FOXK1: variants seen among roughly 807,000 people sequenced by gnomAD.
FOXK1 encodes the protein forkhead box protein K1.
FOXK1 carries 19 observed loss-of-function variants against 51.9 expected under a neutral mutation model. That is an observed-to-expected ratio of 0.37 (90% CI 0.26 to 0.54). The LOEUF (loss-of-function observed/expected upper bound fraction) is 0.54. FOXK1 is among the 20% of genes least tolerant of loss of function. FOXK1 has a pLI of 0.87. For synonymous variants in FOXK1, 537 were observed against 482.6 expected (o/e 1.11, Z -1.48); for missense variants, 870 against 1,032.7 (o/e 0.84, Z 2.16).
intron 1 of FOXK1, among the ~76,000 whole-genome samples, chr7:4,694,925 T>G (rs1437295981): frequency 1.3e-5 from 2 of 152,266 alleles, no homozygotes; most frequent in Non-Finnish European, 2.9e-5. Context: ...AGTTTACTGA[T>G]GAAATTAGGG....
chr7:4,733,544 C>T lies in FOXK1; in HGVS notation c.561-7294C>T, dbSNP rs1277428228. 6.6e-6 allele frequency among the ~76,000 whole-genome samples: 1 copy of T among 152,186 alleles called. No individual in the cohort carries two copies. The highest frequency in any genetic ancestry group is 2.4e-5 in the African/African-American group (1 of 41,434). On this transcript the variant is annotated intron_variant, in intron 1 of 8. Coordinates refer to ENST00000328914, the MANE Select transcript of FOXK1 (RefSeq NM_001037165.2). The surrounding 1 kb of genome is among the most constrained non-coding windows in gnomAD (Gnocchi z 5.0). ...CCCATTTGTATCCCATTGACCAGCT[C>T]ATAGTCTCATGGTTGCAAGAGGGGC...
Position 4,759,183 on chromosome 7 carries a change from T to C in FOXK1, c.1377T>C (p.Ser459=). The C allele has an allele frequency of 6.2e-7, 1 of 1,612,156 alleles. No homozygotes were observed. Among genetic ancestry groups the C allele is most frequent in the Non-Finnish European group, 8.5e-7 (1 of 1,179,622 alleles). The part of the protein sequence containing the change: ...HDPEFGSKLA[S]VPEYRYSQSA... The stretch of plus-strand genomic sequence containing the variant: ...CTGAGTTTGGGTCCAAGTTAGCTTC[T>C]GTCCCAGAGTACCGGTATTCCCAAA... The change falls in exon 6 of 9, where the codon TCT becomes TCC. Residue 459 remains serine (S), a synonymous_variant. Coordinates refer to ENST00000328914, the MANE Select transcript of FOXK1 (RefSeq NM_001037165.2).
chr7:4,683,672 A>T lies in FOXK1; in HGVS notation c.560+804A>T, dbSNP rs1469706167. On this transcript the variant is annotated intron_variant, in intron 1 of 8. Coordinates refer to ENST00000328914, the MANE Select transcript of FOXK1 (RefSeq NM_001037165.2). This position sits in a 1 kb window ranked among gnomAD's most constrained non-coding sequence, Gnocchi z 4.5. ...CCCCCACCAGCCAGGGCCTCAAGTC[A>T]CCCCAGTGCCTGATGCCTGCCGTCC... is the stretch of plus-strand genomic sequence containing the variant. Among the ~76,000 whole-genome samples, 2 of 150,718 alleles carry T rather than the reference A, an allele frequency of 1.3e-5. No individual in the cohort carries two copies. The highest frequency in any genetic ancestry group is 4.9e-5 in the African/African-American group (2 of 40,842).
rs1157988836 is a variant in FOXK1 at position 4,768,116 on chromosome 7, G to T, written c.*5652G>T. On this transcript the variant is annotated 3_prime_UTR_variant, in exon 9 of 9. Coordinates refer to ENST00000328914, the MANE Select transcript of FOXK1 (RefSeq NM_001037165.2). ...ATTTTAAAAACAGACCCATTTCACTGACTTCTTTTTTTTTTTTTTTTTTTT... is the reference window on the plus strand; with the variant it reads ...ATTTTAAAAACAGACCCATTTCACTTACTTCTTTTTTTTTTTTTTTTTTTT... 7 of 128,752 alleles carry T rather than the reference G, an allele frequency of 5.4e-5. No homozygotes were observed. Among genetic ancestry groups the T allele is most frequent in the Non-Finnish European group, 9.5e-5 (6 of 63,422 alleles). 8.0% of individuals were successfully genotyped at this position (128,752 alleles called of 1,614,324 possible). A position where few individuals can be genotyped will look rare whatever the true frequency, so the allele number is the denominator to read the frequency against.
rs186987778 is a variant in FOXK1 at position 4,753,042 on chromosome 7, G to A, written c.747-1417G>A. Among the ~76,000 whole-genome samples, 6 of 152,232 alleles carry A rather than the reference G, an allele frequency of 3.9e-5. No individual in the cohort carries two copies. In the East Asian group the frequency reaches 5.8e-4, roughly 15 times the overall value. On this transcript the variant is annotated intron_variant, in intron 2 of 8. Coordinates refer to ENST00000328914, the MANE Select transcript of FOXK1 (RefSeq NM_001037165.2). The surrounding 1 kb of genome is among the most constrained non-coding windows in gnomAD (Gnocchi z 4.9). Reference sequence around the variant, plus strand: ...ATTTGTGGGTGTTCATTTAAGTTTCGACACGTGTGGAACTTACCTATCTCT... The same window carrying A: ...ATTTGTGGGTGTTCATTTAAGTTTCAACACGTGTGGAACTTACCTATCTCT...
rs1371511165 is a variant in FOXK1, at chr7:4,709,931, T to C, written c.560+27063T>C. Among the ~76,000 whole-genome samples, 1 of 152,178 alleles carries C rather than the reference T, an allele frequency of 6.6e-6. No homozygotes were observed. Among genetic ancestry groups the C allele is most frequent in the Admixed American group, 6.5e-5 (1 of 15,282 alleles). On this transcript the variant is annotated intron_variant, in intron 1 of 8. Coordinates refer to ENST00000328914, the MANE Select transcript of FOXK1 (RefSeq NM_001037165.2). This position sits in a 1 kb window ranked among gnomAD's most constrained non-coding sequence, Gnocchi z 5.6. ...TTGAACACGGAAGAACACGGAAGCC[T>C]GTGTGTTAGGCGTTAACATTGTTCC... is the stretch of plus-strand genomic sequence containing the variant.
chr7:4,764,160 G>C lies in FOXK1; in HGVS notation c.*1696G>C, dbSNP rs372796871. The C allele has an allele frequency of 2.6e-5, 4 of 153,170 alleles. No homozygotes were observed. The highest frequency in any genetic ancestry group is 9.6e-5 in the African/African-American group (4 of 41,504). The allele number at this position is 153,170 out of a possible 1,614,324, so 9.5% of individuals were successfully genotyped here. On this transcript the variant is annotated 3_prime_UTR_variant, in exon 9 of 9. Coordinates refer to ENST00000328914, the MANE Select transcript of FOXK1 (RefSeq NM_001037165.2). ...CGAGGCAGTGCGGGAGGACACACGT[G>C]CTGTGCAGTGGAGTGGGGTCGCCCG...
At chr7:4,691,296 G>A (rs753370933) in intron 1 of FOXK1, among the ~76,000 whole-genome samples, 14 of 152,194 alleles carry the variant, frequency 9.2e-5, no homozygotes, top group African/African-American at 1.4e-4. Flanking sequence ...CTTGCAAAGC[G>A]TAGCTTTTCT....
At chr7:4,727,260 T>C (rs1035855870) in intron 1 of FOXK1, among the ~76,000 whole-genome samples, 5 of 152,186 alleles carry the variant, frequency 3.3e-5, no homozygotes, top group Non-Finnish European at 7.3e-5. Flanking sequence ...CCTATTATTA[T>C]TATAGAATTT....
rs1189462577 is a variant in FOXK1 at position 4,747,112 on chromosome 7, T to C, written c.746+6089T>C. Among the ~76,000 whole-genome samples, 4 of 152,196 alleles carry C rather than the reference T, an allele frequency of 2.6e-5. No individual in the cohort carries two copies. Among genetic ancestry groups the C allele is most frequent in the Non-Finnish European group, 5.9e-5 (4 of 68,044 alleles). On this transcript the variant is annotated intron_variant, in intron 2 of 8. Coordinates refer to ENST00000328914, the MANE Select transcript of FOXK1 (RefSeq NM_001037165.2). This position sits in a 1 kb window ranked among gnomAD's most constrained non-coding sequence, Gnocchi z 9.2. ...GGAAGTCCTTGTGTTTGTCCGAATC[T>C]GTTGAAAGGACATCCCCACGCCCGC... is the stretch of plus-strand genomic sequence containing the variant.
At chr7:4,713,668 T>C (rs892676027) in intron 1 of FOXK1, among the ~76,000 whole-genome samples, 4 of 151,276 alleles carry the variant, frequency 2.6e-5, no homozygotes, top group African/African-American at 9.7e-5. Flanking sequence ...ATTTTTGTAA[T>C]GTTAGTAGAG....
chr7:4,743,239 A>C lies in FOXK1; in HGVS notation c.746+2216A>C, dbSNP rs957895207. On this transcript the variant is annotated intron_variant, in intron 2 of 8. Transcript: ENST00000328914. The surrounding 1 kb of genome is among the most constrained non-coding windows in gnomAD (Gnocchi z 5.3). ...GTGGTGATGGTTATTCAATTTTGTG[A>C]ATATCCTAAAAGTCACTTTAAAGAG... Among the ~76,000 whole-genome samples the C allele has an allele frequency of 4.6e-5, 7 of 152,150 alleles. No homozygotes were observed. Among genetic ancestry groups the C allele is most frequent in the African/African-American group, 1.7e-4 (7 of 41,434 alleles).
At chr7:4,684,596 G>A (rs1422107290) in intron 1 of FOXK1, among the ~76,000 whole-genome samples, 1 of 152,032 alleles carries the variant, frequency 6.6e-6, no homozygotes, top group African/African-American at 2.4e-5. Flanking sequence ...CACTCTCTCC[G>A]TTTGGGGCCA....
intron 1 of FOXK1, among the ~76,000 whole-genome samples, chr7:4,721,643 T>G (rs1429380766): frequency 7.1e-6 from 1 of 141,786 alleles, no homozygotes; most frequent in South Asian, 2.2e-4. Context: ...CAGGCTGGAG[T>G]GCAGTGGTGC....
rs556570260 is a variant in FOXK1, at chr7:4,692,818, C to T, written c.560+9950C>T. 1.4e-4 allele frequency among the ~76,000 whole-genome samples: 22 copies of T among 152,180 alleles called. No individual in the cohort carries two copies. In the South Asian group the frequency reaches 3.9e-3, roughly 27 times the overall value. On this transcript the variant is annotated intron_variant, in intron 1 of 8. Transcript: ENST00000328914. Reference sequence around the variant, plus strand: ...CATAGCTCACTGCAGCCTTGACCTCCTGGGCTCAAGCAGTCCTCCTGCCTC... The same window carrying T: ...CATAGCTCACTGCAGCCTTGACCTCTTGGGCTCAAGCAGTCCTCCTGCCTC...
At chr7:4,706,170 G>A (rs1780099871) in intron 1 of FOXK1, among the ~76,000 whole-genome samples, 2 of 151,730 alleles carry the variant, frequency 1.3e-5, no homozygotes, top group African/African-American at 4.8e-5. Flanking sequence ...AACAGCGAAC[G>A]TCATTTCAGC....
chr7:4,752,143 T>G (rs528803248), intron 2 of FOXK1, among the ~76,000 whole-genome samples: 19 of 152,250 alleles, frequency 1.2e-4, no homozygotes, highest in African/African-American at 4.3e-4. Context: ...AAAACTTTGT[T>G]TATTTATGTA....
At chr7:4,751,790 C>T (rs1780782395) in intron 2 of FOXK1, among the ~76,000 whole-genome samples, 1 of 152,244 alleles carries the variant, frequency 6.6e-6, no homozygotes, top group African/African-American at 2.4e-5. Context: ...TGGAGTGACA[C>T]CAGGATCCGG....
At chr7:4,700,098 G>T (rs1048904243) in intron 1 of FOXK1, among the ~76,000 whole-genome samples, 5 of 152,188 alleles carry the variant, frequency 3.3e-5, no homozygotes, top group African/African-American at 9.7e-5. Flanking sequence ...CCCGGTGCCT[G>T]GCTGAGCTTA....
Sources: gnomAD v4.1 joint callset for allele counts (sites outside exome capture counted in the v4.1 genomes callset) on GRCh38, gnomAD v4.1.1 for gene constraint, Gnocchi (gnomAD v3.1) non-coding constraint, MANE v1.5 for transcripts, NCBI Gene and HGNC (gene_info 2026-07-23, HGNC 2026-07-21) for gene names.